Variants in LRR1 observed in about 807,000 individuals in gnomAD.
The protein encoded by LRR1 is leucine rich repeat protein 1.
Under a neutral mutation model 31.6 loss-of-function variants are expected in LRR1, and 29 were observed. That is an observed-to-expected ratio of 0.92 (90% CI 0.68 to 1.25). The LOEUF (loss-of-function observed/expected upper bound fraction) is 1.25, where lower values mean the gene tolerates loss of function less well. LRR1 is among the 50% of genes most tolerant of loss of function. The pLI is 0.00. For missense variants in LRR1, 485 were observed against 487.2 expected, an observed-to-expected ratio of 1.00 and a Z score of 0.04; for synonymous variants, 179 against 181.4, an observed-to-expected ratio of 0.99 and a Z score of 0.10.
intron 1 of LRR1, 71 bp downstream of exon 1, chr14:49,599,274 C>G: frequency 2.0e-6 from 3 of 1,465,240 alleles, no homozygotes; most frequent in Non-Finnish European, 2.7e-6. Flanking sequence ...CACCCTCGGT[C>G]CTCATGCTCC....
intron 3 of LRR1, among the ~76,000 whole-genome samples, chr14:49,611,304 G>C (rs895669630): frequency 2.6e-5 from 4 of 151,806 alleles, no homozygotes; most frequent in Admixed American, 6.6e-5. Flanking sequence ...GTGAAACCTC[G>C]TCTCTACTAA....
chr14:49,602,367 C>T lies in LRR1; in HGVS notation c.184-3C>T. ...TTCTTTTTTTTCTATTGGTTTTATG[C>T]AGCTAAGGGAGAACATTGAGCAATT... On this transcript the variant is annotated splice_polypyrimidine_tract_variant and splice_region_variant and intron_variant, in intron 1 of 3. Transcript: ENST00000298288. The T allele has an allele frequency of 1.2e-6, 2 of 1,608,734 alleles. No homozygotes were observed. Among genetic ancestry groups the T allele is most frequent in the Non-Finnish European group, 1.7e-6 (2 of 1,176,496 alleles).
chr14:49,607,267 AG>A, intron 2 of LRR1, 132 bp from the exon 3 acceptor site: 1 of 1,001,450 alleles, frequency 1.0e-6, no homozygotes, highest in Non-Finnish European at 1.4e-6. Flanking sequence ...ACTAAAAAAA[AG>A]TTTTACAGTC....
intron 1 of LRR1, chr14:49,601,414 G>A (rs1594583658): frequency 5.9e-6 from 3 of 509,950 alleles, no homozygotes; most frequent in East Asian, 6.0e-5. Flanking sequence ...TGAATCAATA[G>A]TTGTTGAAAT....
At position 49,614,459 on chromosome 14, in the gene LRR1, T is replaced by C; in HGVS notation, c.1208T>C (p.Leu403Pro). ...EAPIISYFCS[L>P]GCYVNSSDML... ...CCTATTATCTCTTATTTCTGTTCTC[T>C]AGGCTGTTATGTTAATTCCTCTGAT... The change falls in exon 4 of 4, where the codon CTA becomes CCA. Residue 403 changes from leucine to proline, a missense_variant. Physicochemically the swap from Leu to Pro is moderately conservative, Grantham distance 98. Coordinates refer to ENST00000298288, the MANE Select transcript of LRR1 (RefSeq NM_152329.4). The C allele has an allele frequency of 6.2e-7, 1 of 1,613,954 alleles. No individual in the cohort carries two copies.
At chr14:49,608,406 ATTTTTTTTTTTTTTTTTTTTTTTT>A (rs71408651) in intron 3 of LRR1, among the ~76,000 whole-genome samples, 31 of 21,096 alleles carry the variant, frequency 1.5e-3, no homozygotes, top group South Asian at 4.2e-3. Context: ...ACATTGCTTG[ATTTTTTTTTTTTTTTTTTTTTTTT>A]TTTTTTTTTT....
chr14:49,608,127 AT>A lies in LRR1; in HGVS notation c.1004+10del. ...CGAACCATATTACATAATAGGTAAG[AT>A]TTTAATAGTCATGTAATGTGGTGTC... On this transcript the variant is annotated splice_region_variant and intron_variant, in intron 3 of 3. Transcript: ENST00000298288. The A allele has an allele frequency of 6.5e-7, 1 of 1,542,810 alleles. No homozygotes were observed. Among genetic ancestry groups the A allele is most frequent in the South Asian group, 1.3e-5 (1 of 79,266 alleles).
chr14:49,602,480 A>C lies in LRR1; in HGVS notation c.282+12A>C. The C allele has an allele frequency of 6.3e-7, 1 of 1,587,368 alleles. No individual in the cohort carries two copies. The highest frequency in any genetic ancestry group is 8.6e-7 in the Non-Finnish European group (1 of 1,157,320). ...TCTGTCTAAGTAAGGTATGGTATTA[A>C]AAACATTAATGATTAATATTTGGCT... On this transcript the variant is annotated intron_variant, in intron 2 of 3. Coordinates refer to ENST00000298288, the MANE Select transcript of LRR1 (RefSeq NM_152329.4).
chr14:49,602,242 ACACT>A, intron 1 of LRR1, 124 bp from the exon 2 acceptor site: 1 of 646,778 alleles, frequency 1.5e-6, no homozygotes, highest in Non-Finnish European at 2.6e-6. Flanking sequence ...TAAAATGAAA[ACACT>A]CAGACTCAAG....
intron 1 of LRR1, chr14:49,601,179 G>T: frequency 6.4e-7 from 1 of 1,565,472 alleles, no homozygotes; most frequent in Non-Finnish European, 8.7e-7. Flanking sequence ...TTGAGCACAA[G>T]TGTAACCTAA....
intron 3 of LRR1, among the ~76,000 whole-genome samples, chr14:49,609,392 A>C (rs1369621706): frequency 6.6e-6 from 1 of 150,886 alleles, no homozygotes; most frequent in Non-Finnish European, 1.5e-5. Flanking sequence ...TGCCTGGCTC[A>C]TTTTTGTATT....
intron 2 of LRR1, among the ~76,000 whole-genome samples, chr14:49,603,386 A>G (rs891999079): frequency 2.0e-5 from 3 of 152,206 alleles, no homozygotes; most frequent in Admixed American, 6.5e-5. Flanking sequence ...CTGGAACTCT[A>G]TAAGGCAACT....
intron 3 of LRR1, among the ~76,000 whole-genome samples, chr14:49,609,024 G>A (rs181198464): frequency 4.9e-5 from 7 of 144,178 alleles, no homozygotes; most frequent in East Asian, 2.1e-4. Flanking sequence ...CGCCATTCTC[G>A]TGCCTCAGCC....
intron 1 of LRR1, chr14:49,600,405 A>G: frequency 1.2e-6 from 2 of 1,602,382 alleles, no homozygotes; most frequent in Non-Finnish European, 8.6e-7. Context: ...ACTGAGTGAT[A>G]TGAAAGAAAA....
Position 49,599,058 on chromosome 14 carries a change from A to C in LRR1, c.38A>C (p.His13Pro). ...TGTGAGGTGGAGGTGATCAGCCGGC[A>C]CTTGCCCGCCTTGGGGCTTAGGAAC... ...LHCEVEVISR[H>P]LPALGLRNRG... The change falls in exon 1 of 4, where the codon CAC becomes CCC. Residue 13 changes from histidine to proline, a missense_variant. His to Pro is a moderately conservative substitution (Grantham distance 77). Coordinates refer to ENST00000298288, the MANE Select transcript of LRR1 (RefSeq NM_152329.4). 6.2e-7 allele frequency: 1 copy of C among 1,609,630 alleles called. No individual in the cohort carries two copies. Among genetic ancestry groups the C allele is most frequent in the Non-Finnish European group, 8.5e-7 (1 of 1,178,106 alleles).
chr14:49,614,535 G>A lies in LRR1; in HGVS notation c.*39G>A, dbSNP rs368808993. 5.0e-6 allele frequency: 8 copies of A among 1,611,770 alleles called. No individual in the cohort carries two copies. Among genetic ancestry groups the A allele is most frequent in the Admixed American group, 1.7e-5 (1 of 59,914 alleles). On this transcript the variant is annotated 3_prime_UTR_variant, in exon 4 of 4. Coordinates refer to ENST00000298288, the MANE Select transcript of LRR1 (RefSeq NM_152329.4). ...AAAAAGAAATTTCAATAACAGATCA[G>A]TTTGGGGTGCATGTATGATTTTGCA...
intron 3 of LRR1, among the ~76,000 whole-genome samples, chr14:49,612,270 T>C (rs974090363): frequency 1.3e-5 from 2 of 152,214 alleles, no homozygotes; most frequent in African/African-American, 4.8e-5. Flanking sequence ...AAGTATAATG[T>C]TGCGTGTTTT....
intron 2 of LRR1, among the ~76,000 whole-genome samples, chr14:49,606,467 T>C (rs1444454960): frequency 1.3e-5 from 2 of 151,662 alleles, no homozygotes; most frequent in African/African-American, 4.9e-5. Flanking sequence ...GCTTCCTGAC[T>C]AGCTGGGATT....
chr14:49,608,813 G>A (rs1882394770), intron 3 of LRR1, among the ~76,000 whole-genome samples: 1 of 150,258 alleles, frequency 6.7e-6, no homozygotes, highest in Non-Finnish European at 1.5e-5. Context: ...TCTAAAATTA[G>A]AGAGTTCGCA....
Sources: allele counts gnomAD v4.1 joint callset (sites outside exome capture counted in the v4.1 genomes callset), GRCh38; gene constraint gnomAD v4.1.1; transcripts MANE v1.5; gene names NCBI Gene and HGNC (gene_info 2026-07-23, HGNC 2026-07-21).